Variants in ZDHHC14 observed in about 807,000 individuals in gnomAD.
ZDHHC14 encodes palmitoyltransferase ZDHHC14.
Under a neutral mutation model 47.7 loss-of-function variants are expected in ZDHHC14, and 16 were observed. The ratio of observed to expected loss-of-function variants is 0.34; its 90% confidence interval spans 0.23 to 0.51. The LOEUF is 0.51. ZDHHC14 is among the 20% of genes least tolerant of loss of function. ZDHHC14 has a pLI of 0.97. For missense variants in ZDHHC14, 515 were observed against 662.5 expected (o/e 0.78, Z 2.44); for synonymous variants, 293 against 278.9 (o/e 1.05, Z -0.50).
chr6:157,673,448 G>C lies in ZDHHC14; in HGVS notation c.*326G>C. On this transcript the variant is annotated 3_prime_UTR_variant, in exon 9 of 9. Coordinates refer to ENST00000359775, the MANE Select transcript of ZDHHC14 (RefSeq NM_024630.3). The surrounding 1 kb of genome is among the most constrained non-coding windows in gnomAD (Gnocchi z 5.4). ...TGTGACAGACACACGGAAGGCTTCT[G>C]ACGCTTGTGGCCAGACTGCAATTGC... The C allele has an allele frequency of 2.5e-6, 1 of 393,020 alleles. No individual in the cohort carries two copies. Among genetic ancestry groups the C allele is most frequent in the Non-Finnish European group, 4.5e-6 (1 of 222,408 alleles). The allele number at this position is 393,020 out of a possible 1,614,324, so 24.3% of individuals were successfully genotyped here. A position where few individuals can be genotyped will look rare whatever the true frequency, so the allele number is the denominator to read the frequency against.
chr6:157,572,366 G>A (rs1783132525), intron 2 of ZDHHC14, among the ~76,000 whole-genome samples: 1 of 152,120 alleles, frequency 6.6e-6, no homozygotes, highest in East Asian at 1.9e-4. Flanking sequence ...CCGATCATCA[G>A]CCAAGTTTAA....
chr6:157,598,135 T>A (rs537064254), intron 3 of ZDHHC14, among the ~76,000 whole-genome samples: 68 of 152,340 alleles, frequency 4.5e-4, no homozygotes, highest in African/African-American at 1.6e-3. Flanking sequence ...TTGCATACAC[T>A]CTGCTGTGCG....
intron 3 of ZDHHC14, among the ~76,000 whole-genome samples, chr6:157,617,604 G>A (rs1785021796): frequency 6.6e-6 from 1 of 152,226 alleles, no homozygotes; most frequent in Non-Finnish European, 1.5e-5. Flanking sequence ...TATACATGTA[G>A]TCAGAAGGTT....
intron 1 of ZDHHC14, among the ~76,000 whole-genome samples, chr6:157,470,111 T>C (rs1043544537): frequency 7.9e-5 from 12 of 152,204 alleles, no homozygotes; most frequent in African/African-American, 2.9e-4. Context: ...TGATGAAAAA[T>C]TATGTTCTCT....
chr6:157,483,886 G>C (rs1298526646), intron 1 of ZDHHC14, among the ~76,000 whole-genome samples: 2 of 152,054 alleles, frequency 1.3e-5, no homozygotes, highest in African/African-American at 2.4e-5. Flanking sequence ...AATAGACATG[G>C]AGTCAACCTA....
chr6:157,451,740 T>G (rs989275292), intron 1 of ZDHHC14, among the ~76,000 whole-genome samples: 3 of 152,164 alleles, frequency 2.0e-5, no homozygotes, highest in African/African-American at 7.2e-5. Context: ...TTTGTATTTT[T>G]AGTAGAGGTG....
At chr6:157,536,659 G>C (rs1781552977) in intron 1 of ZDHHC14, among the ~76,000 whole-genome samples, 1 of 152,128 alleles carries the variant, frequency 6.6e-6, no homozygotes, top group African/African-American at 2.4e-5. Context: ...CAAGGAATCA[G>C]CATTATGTCA....
chr6:157,402,975 TC>T (rs1407091814), intron 1 of ZDHHC14, among the ~76,000 whole-genome samples: 2 of 152,214 alleles, frequency 1.3e-5, no homozygotes, highest in African/African-American at 2.4e-5. Context: ...CCTCAGGTGA[TC>T]CGCCCGCATC....
chr6:157,617,862 G>C (rs1012897835), intron 3 of ZDHHC14, among the ~76,000 whole-genome samples: 2 of 152,168 alleles, frequency 1.3e-5, no homozygotes, highest in African/African-American at 4.8e-5. Context: ...TGTCCTCTGG[G>C]AATCTGTACC....
chr6:157,592,227 G>A (rs1783934978), intron 2 of ZDHHC14, among the ~76,000 whole-genome samples: 1 of 151,818 alleles, frequency 6.6e-6, no homozygotes, highest in African/African-American at 2.4e-5. Flanking sequence ...GAAATGATAA[G>A]ATAAAATGGA....
intron 2 of ZDHHC14, among the ~76,000 whole-genome samples, chr6:157,543,589 C>T (rs904055469): frequency 6.6e-6 from 1 of 152,234 alleles, no homozygotes; most frequent in Admixed American, 6.5e-5. Context: ...GAGGGACCTC[C>T]CTGTCTACAG....
At chr6:157,605,959 C>T (rs1198115941) in intron 3 of ZDHHC14, among the ~76,000 whole-genome samples, 13 of 152,208 alleles carry the variant, frequency 8.5e-5, no homozygotes. Context: ...ATAAGCTCAA[C>T]TTGCTAGTTC....
At chr6:157,653,883 C>G (rs1222037982) in intron 8 of ZDHHC14, among the ~76,000 whole-genome samples, 1 of 152,176 alleles carries the variant, frequency 6.6e-6, no homozygotes, top group African/African-American at 2.4e-5. Context: ...AGCTGTCTGC[C>G]AAAACAGCTT....
intron 6 of ZDHHC14, chr6:157,646,148 A>G: frequency 3.9e-6 from 1 of 258,172 alleles, no homozygotes; most frequent in South Asian, 6.9e-5. Flanking sequence ...TAAGCTTCTT[A>G]TCACACTTCC....
At chr6:157,629,214 A>G (rs1203596090) in intron 4 of ZDHHC14, among the ~76,000 whole-genome samples, 1 of 152,236 alleles carries the variant, frequency 6.6e-6, no homozygotes, top group African/African-American at 2.4e-5. Context: ...TCTCTTGGTC[A>G]TTCACTTTTC....
At chr6:157,548,922 G>A (rs543267966) in intron 2 of ZDHHC14, among the ~76,000 whole-genome samples, 1 of 152,368 alleles carries the variant, frequency 6.6e-6, no homozygotes, top group African/African-American at 2.4e-5. Context: ...CAGTGTTCAT[G>A]GCTGTTGTTG....
intron 1 of ZDHHC14, among the ~76,000 whole-genome samples, chr6:157,526,871 A>T (rs963600670): frequency 1.3e-5 from 2 of 152,146 alleles, no homozygotes; most frequent in African/African-American, 4.8e-5. Flanking sequence ...GTAGATGTTA[A>T]TTTTTATTTG....
intron 1 of ZDHHC14, among the ~76,000 whole-genome samples, chr6:157,490,301 G>C (rs1013834808): frequency 6.6e-6 from 1 of 152,172 alleles, no homozygotes; most frequent in African/African-American, 2.4e-5. Context: ...GCTTGAATCT[G>C]AATTAAGAGA....
chr6:157,537,256 C>T (rs1372790861), intron 1 of ZDHHC14, among the ~76,000 whole-genome samples: 1 of 151,566 alleles, frequency 6.6e-6, no homozygotes, highest in African/African-American at 2.4e-5. Context: ...TGCACAAAAA[C>T]AATTTTTACT....
Sources: allele counts gnomAD v4.1 joint callset (sites outside exome capture counted in the v4.1 genomes callset), GRCh38; gene constraint gnomAD v4.1.1; non-coding constraint Gnocchi (gnomAD v3.1); transcripts MANE v1.5; gene names NCBI Gene and HGNC (gene_info 2026-07-23, HGNC 2026-07-21).